The following SUCLG2 variants were observed in gnomAD, a reference collection of about 807,000 sequenced individuals.
The protein encoded by SUCLG2 is succinate--CoA ligase [GDP-forming] subunit beta, mitochondrial.
A neutral mutation model predicts 47.9 loss-of-function variants in SUCLG2; 42 were observed. That is an observed-to-expected ratio of 0.88 (90% confidence interval 0.69 to 1.14). The LOEUF is 1.14. Ranked by LOEUF, SUCLG2 falls within the 50% of genes most tolerant of loss-of-function variation. The probability of loss-of-function intolerance (pLI) is 0.00; values close to 1 mark genes in which losing one functional copy is unlikely to be tolerated. For synonymous variants in SUCLG2, 195 were observed against 197.3 expected (o/e 0.99, Z 0.10); for missense variants, 571 against 525.9 (o/e 1.09, Z -0.84).
chr3:67,557,592 G>A (rs1231873678), intron 2 of SUCLG2, among the ~76,000 whole-genome samples: 2 of 152,096 alleles, frequency 1.3e-5, no homozygotes, highest in African/African-American at 2.4e-5. Flanking sequence ...ATAAGGTTAG[G>A]AACCACATTA....
intron 1 of SUCLG2, among the ~76,000 whole-genome samples, chr3:67,614,350 G>A (rs977327954): frequency 2.6e-5 from 4 of 151,658 alleles, no homozygotes; most frequent in African/African-American, 9.7e-5. Context: ...CTCCTCTGAA[G>A]CTCCAGGTCT....
Position 67,654,591 on chromosome 3 carries a change from A to AAC in SUCLG2, c.-7_-6dup, listed in dbSNP as rs1701354053. 1.6e-6 allele frequency: 2 copies of AAC among 1,273,604 alleles called. No individual in the cohort carries two copies. The highest frequency in any genetic ancestry group is 2.0e-6 in the Non-Finnish European group (2 of 1,007,610). The allele number at this position is 1,273,604 out of a possible 1,614,324, so 78.9% of individuals were successfully genotyped here. A position where few individuals can be genotyped will look rare whatever the true frequency, so the allele number is the denominator to read the frequency against. On this transcript the variant is annotated 5_prime_UTR_variant, in exon 1 of 11. Coordinates refer to ENST00000307227, the MANE Select transcript of SUCLG2 (RefSeq NM_003848.4). ...CGCTGCTACGGGGGACGCCATCTTA[A>AAC]ACAGGAAACTCGGCACGGGGCAGTA...
chr3:67,533,909 T>C (rs1377403418), intron 2 of SUCLG2, among the ~76,000 whole-genome samples: 2 of 152,020 alleles, frequency 1.3e-5, no homozygotes, highest in Non-Finnish European at 2.9e-5. Flanking sequence ...GACATGGACT[T>C]TTCAAATTTG....
chr3:67,460,742 G>T (rs1042855287), intron 9 of SUCLG2, among the ~76,000 whole-genome samples: 1 of 151,986 alleles, frequency 6.6e-6, no homozygotes, highest in Admixed American at 6.6e-5. Flanking sequence ...TCTCATCCTC[G>T]CTCTATACTT....
intron 9 of SUCLG2, among the ~76,000 whole-genome samples, chr3:67,432,677 T>C (rs1412128465): frequency 1.3e-5 from 2 of 152,228 alleles, no homozygotes; most frequent in South Asian, 2.1e-4. Context: ...GTGACCCCGA[T>C]CTGCTAGGTT....
chr3:67,490,008 A>G (rs956485247), intron 9 of SUCLG2, among the ~76,000 whole-genome samples: 1 of 152,206 alleles, frequency 6.6e-6, no homozygotes, highest in Admixed American at 6.5e-5. Flanking sequence ...ACTGTAACCA[A>G]TCCAGTATTT....
At chr3:67,491,765 C>T (rs893028136) in intron 9 of SUCLG2, among the ~76,000 whole-genome samples, 15 of 152,152 alleles carry the variant, frequency 9.9e-5, no homozygotes, top group African/African-American at 3.1e-4. Context: ...GGAGATTATA[C>T]TTTAATAAGT....
chr3:67,595,050 G>C (rs1217221494), intron 2 of SUCLG2, among the ~76,000 whole-genome samples: 2 of 152,176 alleles, frequency 1.3e-5, no homozygotes, highest in Admixed American at 1.3e-4. Flanking sequence ...AATTTGTTTG[G>C]TGTGGTATGA....
chr3:67,370,929 T>C (rs1240664284), downstream of SUCLG2, among the ~76,000 whole-genome samples: 2 of 152,234 alleles, frequency 1.3e-5, no homozygotes, highest in African/African-American at 4.8e-5. Context: ...TGCTTTTTAA[T>C]ACAAGGTCCT....
chr3:67,475,720 T>A (rs59820958), intron 9 of SUCLG2, among the ~76,000 whole-genome samples: 1 of 134,310 alleles, frequency 7.4e-6, no homozygotes, highest in African/African-American at 2.8e-5. Context: ...CTTCCCCTCC[T>A]TTTTTTTTTT....
intron 9 of SUCLG2, among the ~76,000 whole-genome samples, chr3:67,417,492 T>C (rs1191577494): frequency 2.0e-5 from 3 of 152,238 alleles, no homozygotes; most frequent in Non-Finnish European, 4.4e-5. Context: ...TATTGTAAAA[T>C]ACATTTCTTA....
intron 10 of SUCLG2, among the ~76,000 whole-genome samples, chr3:67,390,003 T>C (rs1702345474): frequency 6.6e-6 from 1 of 152,214 alleles, no homozygotes; most frequent in South Asian, 2.1e-4. Flanking sequence ...TGAGATGTGA[T>C]GGAAAAATGT....
At chr3:67,521,849 A>T (rs900731775) in intron 4 of SUCLG2, among the ~76,000 whole-genome samples, 1 of 151,808 alleles carries the variant, frequency 6.6e-6, no homozygotes, top group African/African-American at 2.4e-5. Context: ...TGAACTGCTG[A>T]CTTCAAGTAT....
intron 10 of SUCLG2, 41 bp from the exon 11 acceptor site, chr3:67,375,900 G>A: frequency 3.8e-6 from 6 of 1,597,620 alleles, no homozygotes; most frequent in Non-Finnish European, 5.1e-6. Context: ...TGAAACTAGA[G>A]GTGGCGCCTT....
intron 10 of SUCLG2, among the ~76,000 whole-genome samples, chr3:67,366,881 G>T (rs1701883491): frequency 6.6e-6 from 1 of 152,134 alleles, no homozygotes; most frequent in Non-Finnish European, 1.5e-5. Flanking sequence ...TAAGTAGCAA[G>T]CTTCACCCCC....
At chr3:67,601,281 G>C (rs1288642370) in intron 2 of SUCLG2, among the ~76,000 whole-genome samples, 1 of 152,090 alleles carries the variant, frequency 6.6e-6, no homozygotes, top group African/African-American at 2.4e-5. Context: ...GTTAATATTA[G>C]CACAGGCTTC....
chr3:67,395,869 A>C (rs1702513013), intron 10 of SUCLG2, among the ~76,000 whole-genome samples: 1 of 152,146 alleles, frequency 6.6e-6, no homozygotes, highest in African/African-American at 2.4e-5. Context: ...TAAGAAACTC[A>C]CTCAAAACCG....
chr3:67,371,431 G>C (rs1701951493), downstream of SUCLG2, among the ~76,000 whole-genome samples: 1 of 152,146 alleles, frequency 6.6e-6, no homozygotes, highest in Non-Finnish European at 1.5e-5. Flanking sequence ...AGTGCCTCCA[G>C]CCTTTATCTC....
chr3:67,591,079 C>T (rs1192256612), intron 2 of SUCLG2, among the ~76,000 whole-genome samples: 1 of 152,130 alleles, frequency 6.6e-6, no homozygotes, highest in Non-Finnish European at 1.5e-5. Flanking sequence ...TAATGCTGTG[C>T]ATTTATTGAT....
Sources: gnomAD v4.1 joint callset for allele counts (sites outside exome capture counted in the v4.1 genomes callset) on GRCh38, gnomAD v4.1.1 for gene constraint, MANE v1.5 for transcripts, NCBI Gene and HGNC (gene_info 2026-07-23, HGNC 2026-07-21) for gene names.